The following ELMOD1 variants were observed in gnomAD, a reference collection of about 807,000 sequenced individuals.
ELMOD1 encodes ELMO domain containing 1, also known as ELMO domain-containing protein 1.
A neutral mutation model predicts 46.7 loss-of-function variants in ELMOD1; 21 were observed. The ratio of observed to expected loss-of-function variants is 0.45; its 90% CI spans 0.32 to 0.65. ELMOD1 has a LOEUF of 0.65. Ranked by LOEUF, ELMOD1 falls within the 30% of genes least tolerant of loss-of-function variation. The pLI is 0.04. For missense variants in ELMOD1, 348 were observed against 407.8 expected, an observed-to-expected ratio of 0.85 and a Z score of 1.26; for synonymous variants, 122 against 138.2, an observed-to-expected ratio of 0.88 and a Z score of 0.82.
At chr11:107,633,232 T>C (rs1591122297) in intron 5 of ELMOD1, among the ~76,000 whole-genome samples, 2 of 152,172 alleles carry the variant, frequency 1.3e-5, no homozygotes, top group African/African-American at 2.4e-5. Flanking sequence ...TAGTGCCTTT[T>C]TTACAGAGCG....
At chr11:107,653,215 A>T (rs188463862) in intron 9 of ELMOD1, among the ~76,000 whole-genome samples, 9 of 152,052 alleles carry the variant, frequency 5.9e-5, no homozygotes, top group African/African-American at 2.2e-4. Flanking sequence ...GCCTCCTTCT[A>T]TTGGCTGTAT....
At position 107,611,704 on chromosome 11, in the gene ELMOD1, C is replaced by CAA. The variant is rs71470853; in HGVS notation, c.-85-6378_-85-6377dup. On this transcript the variant is annotated intron_variant, in intron 1 of 11. Coordinates refer to ENST00000265840, the MANE Select transcript of ELMOD1 (RefSeq NM_018712.4). The stretch of plus-strand genomic sequence containing the variant: ...TGGGCAACAGAGCCAGACTCCATCT[C>CAA]AAAAAAAAAAAAAAAAAAAAAAAAG... 3.5e-3 allele frequency among the ~76,000 whole-genome samples: 193 copies of CAA among 55,546 alleles called. 1 individual carries two copies. The highest frequency in any genetic ancestry group is 5.9e-3 in the African/African-American group (84 of 14,118). The allele number at this position is 55,546 out of a possible 152,430, so 36.4% of individuals were successfully genotyped here. A position where few individuals can be genotyped will look rare whatever the true frequency, so the allele number is the denominator to read the frequency against.
At chr11:107,639,458 C>G (rs1866282933) in intron 6 of ELMOD1, among the ~76,000 whole-genome samples, 1 of 152,088 alleles carries the variant, frequency 6.6e-6, no homozygotes, top group African/African-American at 2.4e-5. Context: ...TAGGTGGATT[C>G]ATGCACTTAA....
intron 1 of ELMOD1, chr11:107,592,290 C>T (rs749931285): frequency 1.9e-6 from 1 of 527,078 alleles, no homozygotes; most frequent in Non-Finnish European, 3.9e-6. Context: ...CCTGAGCTTT[C>T]CACATTTCAT....
intron 10 of ELMOD1, 87 bp from the exon 11 acceptor site, chr11:107,655,846 T>C (rs1360347056): frequency 7.2e-7 from 1 of 1,398,518 alleles, no homozygotes; most frequent in African/African-American, 1.4e-5. Context: ...GTCGTGGCAC[T>C]GGTAGGAGTG....
intron 2 of ELMOD1, among the ~76,000 whole-genome samples, chr11:107,630,046 G>A (rs1411417012): frequency 6.6e-6 from 1 of 152,152 alleles, no homozygotes; most frequent in Non-Finnish European, 1.5e-5. Flanking sequence ...AGGAGAGCAT[G>A]TTCTTCCCCC....
chr11:107,606,606 G>A (rs1012572971), intron 1 of ELMOD1, among the ~76,000 whole-genome samples: 1 of 152,152 alleles, frequency 6.6e-6, no homozygotes, highest in African/African-American at 2.4e-5. Context: ...AGGCCAAAGC[G>A]GGTGGATCGC....
chr11:107,595,792 AT>A (rs1265621685), intron 1 of ELMOD1, among the ~76,000 whole-genome samples: 2 of 152,158 alleles, frequency 1.3e-5, no homozygotes, highest in Admixed American at 6.5e-5. Context: ...AATTAAAAAA[AT>A]AATATTGTGC....
rs1866451228 is a variant in ELMOD1, at chr11:107,647,492, A to G, written c.445A>G (p.Thr149Ala). The change falls in exon 7 of 12, where the codon ACT (threonine) becomes GCT (alanine). Residue 149 changes from threonine to alanine, a missense_variant. By Grantham distance (58) the Thr-to-Ala change is moderately conservative. Coordinates refer to ENST00000265840, the MANE Select transcript of ELMOD1 (RefSeq NM_018712.4). The stretch of plus-strand genomic sequence containing the variant: ...GTTATGGAAATTCTTGAAGCCCAAT[A>G]CTCCACTGGAATCTCGGATTTCTAA... ...LKLWKFLKPN[T>A]PLESRISKQW... 2 of 1,612,940 alleles carry G rather than the reference A, an allele frequency of 1.2e-6. No individual in the cohort carries two copies. The highest frequency in any genetic ancestry group is 1.7e-6 in the Non-Finnish European group (2 of 1,179,498).
chr11:107,639,168 TAATTA>T (rs1364706066), intron 6 of ELMOD1, among the ~76,000 whole-genome samples: 2 of 151,970 alleles, frequency 1.3e-5, no homozygotes, highest in African/African-American at 2.4e-5. Context: ...ATAATAATAA[TAATTA>T]AATTAAGTTA....
At chr11:107,642,200 C>T (rs1423642673) in intron 6 of ELMOD1, among the ~76,000 whole-genome samples, 1 of 152,036 alleles carries the variant, frequency 6.6e-6, no homozygotes, top group Non-Finnish European at 1.5e-5. Flanking sequence ...CCTTGGCCTC[C>T]CAAAGTGCTG....
chr11:107,616,932 C>A (rs766218289), intron 1 of ELMOD1, among the ~76,000 whole-genome samples: 13 of 152,152 alleles, frequency 8.5e-5, no homozygotes, highest in South Asian at 4.1e-4. Context: ...TGGGTGGGAA[C>A]TAACCAAATT....
At chr11:107,599,740 C>CAAAAAAAAAAAA (rs56992146) in intron 1 of ELMOD1, among the ~76,000 whole-genome samples, 1 of 91,194 alleles carries the variant, frequency 1.1e-5, no homozygotes, top group Non-Finnish European at 2.1e-5. Flanking sequence ...AGACCTGTCT[C>CAAAAAAAAAAAA]AAAAAAAAAA....
At position 107,647,449 on chromosome 11, in the gene ELMOD1, C is replaced by CTT; in HGVS notation, c.421-9_421-8dup. Reference sequence around the variant, plus strand: ...GAAAGGGTGTATCAACAGAGTAATCCTTTTTTTTTTTCCTACAGTTATGGA... The same window carrying CTT: ...GAAAGGGTGTATCAACAGAGTAATCCTTTTTTTTTTTTTCCTACAGTTATGGA... On this transcript the variant is annotated intron_variant, in intron 6 of 11. Coordinates refer to ENST00000265840, the MANE Select transcript of ELMOD1 (RefSeq NM_018712.4). 1.7e-5 allele frequency: 20 copies of CTT among 1,188,664 alleles called. No individual in the cohort carries two copies. The highest frequency in any genetic ancestry group is 2.1e-4 in the Middle Eastern group (1 of 4,734). 73.6% of individuals were successfully genotyped at this position (1,188,664 alleles called of 1,614,324 possible). A position where few individuals can be genotyped will look rare whatever the true frequency, so the allele number is the denominator to read the frequency against.
At chr11:107,616,456 T>C (rs1165341807) in intron 1 of ELMOD1, among the ~76,000 whole-genome samples, 1 of 152,174 alleles carries the variant, frequency 6.6e-6, no homozygotes, top group African/African-American at 2.4e-5. Flanking sequence ...CTCGGGTCAC[T>C]GTAACCTCCA....
intron 6 of ELMOD1, among the ~76,000 whole-genome samples, chr11:107,646,769 C>A (rs1173262733): frequency 1.4e-5 from 2 of 140,128 alleles, no homozygotes; most frequent in African/African-American, 5.2e-5. Context: ...TGTCAGTTCA[C>A]TTTTTTTTTT....
intron 2 of ELMOD1, among the ~76,000 whole-genome samples, chr11:107,624,524 A>C (rs987778928): frequency 1.3e-5 from 2 of 152,114 alleles, no homozygotes; most frequent in Non-Finnish European, 2.9e-5. Context: ...TGTGGCGCGT[A>C]CCTGTAGTCC....
In ELMOD1 at chr11:107,654,191, T is replaced by A. The variant is rs1327098908; in HGVS notation, c.667T>A (p.Trp223Arg). Reference protein sequence around the residue: ...EEISKFSKAEWEKKRMDKAIG... With the variant: ...EEISKFSKAEREKKRMDKAIG... ...ATTCAGCAAATTCAGCAAAGCAGAA[T>A]GGGAGAAGAAAAGGATGGATAAGGC... The change falls in exon 10 of 12, where the codon TGG (tryptophan) becomes AGG (arginine). Residue 223 changes from tryptophan (W) to arginine (R), a missense_variant. Trp to Arg is a moderately radical substitution (Grantham distance 101, BLOSUM62 -3). Transcript: ENST00000265840. 6.3e-7 allele frequency: 1 copy of A among 1,590,254 alleles called. No homozygotes were observed. Among genetic ancestry groups the A allele is most frequent in the Non-Finnish European group, 8.6e-7 (1 of 1,167,470 alleles).
At chr11:107,657,408 TCCCA>T (rs1316391834) in intron 11 of ELMOD1, among the ~76,000 whole-genome samples, 6 of 152,020 alleles carry the variant, frequency 3.9e-5, no homozygotes, top group Non-Finnish European at 8.8e-5. Context: ...CCAGCTGTAG[TCCCA>T]GCCACTCAAG....
Sources: allele counts gnomAD v4.1 joint callset (sites outside exome capture counted in the v4.1 genomes callset), GRCh38; gene constraint gnomAD v4.1.1; transcripts MANE v1.5; gene names NCBI Gene and HGNC (gene_info 2026-07-23, HGNC 2026-07-21).